Variants in PTCHD4 observed in about 807,000 individuals in gnomAD.
PTCHD4 encodes patched domain-containing protein 4.
In PTCHD4, 33 loss-of-function variants were observed where a neutral mutation model predicts 58.1. The ratio of observed to expected loss-of-function variants is 0.57; its 90% CI spans 0.43 to 0.76. The LOEUF is 0.76. Among genes scored for constraint, PTCHD4 ranks in the 30% least tolerant of loss-of-function variants. PTCHD4 has a pLI of 0.00. For synonymous variants in PTCHD4, 478 were observed against 409.6 expected (o/e 1.17, Z -2.02); for missense variants, 1,058 against 1,027.1 (o/e 1.03, Z -0.41).
At chr6:47,917,957 A>C (rs1304147437) in intron 4 of PTCHD4, among the ~76,000 whole-genome samples, 1 of 152,184 alleles carries the variant, frequency 6.6e-6, no homozygotes, top group Admixed American at 6.5e-5. Flanking sequence ...CTGAAGCAGT[A>C]GAGCTTAGAG....
rs79613833 is a variant in PTCHD4, at chr6:47,978,061, A to G, written c.898+30573T>C. Among the ~76,000 whole-genome samples the G allele has an allele frequency of 2.9e-3, 445 of 152,256 alleles. 3 individuals carry two copies. Among genetic ancestry groups the G allele is most frequent in the African/African-American group, 0.01 (423 of 41,554 alleles). ...TGATAGAAATAGAAACAGGGAAATT[A>G]GCAAATAATCCTTACTGCTTCCCTA... On this transcript the variant is annotated intron_variant, in intron 4 of 4. Coordinates refer to ENST00000339488, the MANE Select transcript of PTCHD4 (RefSeq NM_001384253.1).
chr6:47,954,941 A>G (rs1345335734), intron 4 of PTCHD4, among the ~76,000 whole-genome samples: 1 of 152,196 alleles, frequency 6.6e-6, no homozygotes, highest in Non-Finnish European at 1.5e-5. Context: ...GTTGTGAGGA[A>G]GTTCAAGCCC....
chr6:47,976,589 G>A (rs1455746823), intron 4 of PTCHD4, among the ~76,000 whole-genome samples: 1 of 151,908 alleles, frequency 6.6e-6, no homozygotes, highest in Non-Finnish European at 1.5e-5. Flanking sequence ...GGGAGGCAGA[G>A]GTTGAAGTGA....
chr6:47,930,656 C>A (rs2113904490), intron 4 of PTCHD4, among the ~76,000 whole-genome samples: 1 of 152,292 alleles, frequency 6.6e-6, no homozygotes. Context: ...AGTGATAGTT[C>A]TGGACCAGTT....
chr6:47,941,569 C>T (rs1470020149), intron 4 of PTCHD4, among the ~76,000 whole-genome samples: 1 of 152,090 alleles, frequency 6.6e-6, no homozygotes, highest in Non-Finnish European at 1.5e-5. Context: ...GGAGGCAGAG[C>T]CATAAAGTAG....
chr6:47,874,283 T>C lies in PTCHD4; in HGVS notation c.*4020A>G, dbSNP rs1260840042. 6.6e-6 allele frequency among the ~76,000 whole-genome samples: 1 copy of C among 151,680 alleles called. No individual in the cohort carries two copies. The highest frequency in any genetic ancestry group is 1.5e-5 in the Non-Finnish European group (1 of 67,776). On this transcript the variant is annotated 3_prime_UTR_variant, in exon 5 of 5. Coordinates refer to ENST00000339488, the MANE Select transcript of PTCHD4 (RefSeq NM_001384253.1). ...TGGGGATGGAACTTTCTGTGGACTT[T>C]AGGCCCTTAAGACCAAAAGCCATGA...
chr6:47,966,935 T>C (rs1767317767), intron 4 of PTCHD4, among the ~76,000 whole-genome samples: 1 of 152,142 alleles, frequency 6.6e-6, no homozygotes, highest in Admixed American at 6.5e-5. Context: ...CATCCATGAG[T>C]GTTGGAATCA....
At chr6:48,041,165 C>A (rs566102803) in intron 3 of PTCHD4, among the ~76,000 whole-genome samples, 39 of 152,070 alleles carry the variant, frequency 2.6e-4, no homozygotes, top group Non-Finnish European at 2.4e-4. Context: ...CTGATTTAGA[C>A]CACAGAATTG....
At chr6:48,002,651 C>G (rs529070199) in intron 4 of PTCHD4, among the ~76,000 whole-genome samples, 235 of 151,944 alleles carry the variant, frequency 1.5e-3, no homozygotes, top group African/African-American at 5.5e-3. Context: ...GGAGATATAC[C>G]TAATGTTAAA....
At chr6:47,936,943 GC>G (rs1276296660) in intron 4 of PTCHD4, among the ~76,000 whole-genome samples, 7 of 152,182 alleles carry the variant, frequency 4.6e-5, no homozygotes, top group Admixed American at 3.9e-4. Flanking sequence ...AAGCTGGAGA[GC>G]ATTCTAGGCA....
intron 3 of PTCHD4, among the ~76,000 whole-genome samples, chr6:48,032,471 G>T (rs924416252): frequency 2.6e-5 from 4 of 151,628 alleles, no homozygotes; most frequent in Non-Finnish European, 4.4e-5. Context: ...TTTATGTAGT[G>T]GGAAGGGACA....
In PTCHD4 at chr6:47,878,174, A is replaced by G; in HGVS notation, c.*129T>C. 1 of 763,326 alleles carries G rather than the reference A, an allele frequency of 1.3e-6. No individual in the cohort carries two copies. The highest frequency in any genetic ancestry group is 2.1e-6 in the Non-Finnish European group (1 of 474,154). 47.3% of individuals were successfully genotyped at this position (763,326 alleles called of 1,614,324 possible). ...GAAGCAGGCACCTTGAAGTGTCATGAATAATGCACTCTTGATCTGACTTGC... is the reference window on the plus strand; with the variant it reads ...GAAGCAGGCACCTTGAAGTGTCATGGATAATGCACTCTTGATCTGACTTGC... On this transcript the variant is annotated 3_prime_UTR_variant, in exon 5 of 5. Coordinates refer to ENST00000339488, the MANE Select transcript of PTCHD4 (RefSeq NM_001384253.1).
chr6:47,928,883 ATAAC>A (rs1316473161), intron 4 of PTCHD4, among the ~76,000 whole-genome samples: 2 of 152,228 alleles, frequency 1.3e-5, no homozygotes, highest in African/African-American at 4.8e-5. Context: ...TAATGTATAA[ATAAC>A]CTATCATAAT....
intron 4 of PTCHD4, among the ~76,000 whole-genome samples, chr6:47,882,428 G>A (rs1234001927): frequency 3.3e-5 from 5 of 151,924 alleles, no homozygotes; most frequent in Non-Finnish European, 7.4e-5. Flanking sequence ...TTTGGAGATG[G>A]CGTGTTTTAT....
chr6:47,992,215 A>T (rs1328751154), intron 4 of PTCHD4, among the ~76,000 whole-genome samples: 1 of 152,192 alleles, frequency 6.6e-6, no homozygotes, highest in Non-Finnish European at 1.5e-5. Context: ...CTAGAGATAG[A>T]ACACCACTTT....
At chr6:48,010,089 C>T (rs1240617507) in intron 3 of PTCHD4, among the ~76,000 whole-genome samples, 1 of 152,144 alleles carries the variant, frequency 6.6e-6, no homozygotes, top group Non-Finnish European at 1.5e-5. Context: ...TTATTATTGC[C>T]ACAACTATCA....
rs138733910 is a variant in PTCHD4, at chr6:47,865,106, A to G, written c.*13197T>C. 8.6e-5 allele frequency among the ~76,000 whole-genome samples: 13 copies of G among 152,016 alleles called. No individual in the cohort carries two copies. The highest frequency in any genetic ancestry group is 3.1e-4 in the African/African-American group (13 of 41,514). On this transcript the variant is annotated 3_prime_UTR_variant, in exon 5 of 5. Transcript: ENST00000339488. ...TTGCTAATTAAATTGATGTTTATAT[A>G]TGTAGATTAATCTAGATACTATTGT... is the stretch of plus-strand genomic sequence containing the variant.
chr6:47,921,131 T>G (rs1007278740), intron 4 of PTCHD4, among the ~76,000 whole-genome samples: 1 of 152,166 alleles, frequency 6.6e-6, no homozygotes, highest in African/African-American at 2.4e-5. Context: ...TAAAATATGA[T>G]CTTATGACAA....
Position 47,944,412 on chromosome 6 carries a change from T to C in PTCHD4, c.898+64222A>G, listed in dbSNP as rs979805906. Among the ~76,000 whole-genome samples the C allele has an allele frequency of 2.6e-5, 4 of 152,258 alleles. No homozygotes were observed. In the South Asian group the frequency reaches 8.3e-4, roughly 32 times the overall value. On this transcript the variant is annotated intron_variant, in intron 4 of 4. Coordinates refer to ENST00000339488, the MANE Select transcript of PTCHD4 (RefSeq NM_001384253.1). ...TTTATTAGATTCTAGCAGGTGAATA[T>C]GTTGTAAAAATTGCCCTTAAAGAAT... is the stretch of plus-strand genomic sequence containing the variant.
Sources: gnomAD v4.1 joint callset for allele counts (sites outside exome capture counted in the v4.1 genomes callset) on GRCh38, gnomAD v4.1.1 for gene constraint, MANE v1.5 for transcripts, NCBI Gene and HGNC (gene_info 2026-07-23, HGNC 2026-07-21) for gene names.